IQCF1: variants seen among roughly 807,000 people sequenced by gnomAD.
The protein encoded by IQCF1 is IQ motif containing F1.
A neutral mutation model predicts 12.5 loss-of-function variants in IQCF1; 9 were observed. The ratio of observed to expected loss-of-function variants is 0.72; its 90% CI spans 0.43 to 1.26. IQCF1 has a LOEUF of 1.26. IQCF1 is among the 50% of genes most tolerant of loss of function. The pLI is 0.00. For synonymous variants in IQCF1, 67 were observed against 96.2 expected, an observed-to-expected ratio of 0.70 and a Z score of 1.78; for missense variants, 252 against 257.4, an observed-to-expected ratio of 0.98 and a Z score of 0.14.
intron 2 of IQCF1, among the ~76,000 whole-genome samples, chr3:51,898,977 A>G (rs1699045397): frequency 6.6e-6 from 1 of 152,280 alleles, no homozygotes; most frequent in Non-Finnish European, 1.5e-5. Context: ...GGAGCCGTCT[A>G]TACCAATTCT....
At position 51,900,219 on chromosome 3, in the gene IQCF1, C is replaced by T. The variant is rs1361570020; in HGVS notation, c.108+2766G>A. Among the ~76,000 whole-genome samples the T allele has an allele frequency of 6.6e-6, 1 of 152,168 alleles. No individual in the cohort carries two copies. Among genetic ancestry groups the T allele is most frequent in the Non-Finnish European group, 1.5e-5 (1 of 68,032 alleles). The stretch of plus-strand genomic sequence containing the variant: ...GACTCTACCCTGTGCTGCTAACCAC[C>T]GAGACTGCTGTTGTACAGCGGAAAG... On this transcript the variant is annotated intron_variant, in intron 2 of 3. Coordinates refer to ENST00000310914, the MANE Select transcript of IQCF1 (RefSeq NM_152397.3). The surrounding 1 kb of genome is among the most constrained non-coding windows in gnomAD (Gnocchi z 4.2).
intron 2 of IQCF1, among the ~76,000 whole-genome samples, chr3:51,899,198 A>G (rs536116660): frequency 2.6e-4 from 39 of 152,222 alleles, no homozygotes; most frequent in African/African-American, 9.2e-4. Flanking sequence ...TCGAGGAAAA[A>G]AAAGGGGGTG....
In IQCF1 at chr3:51,895,110, G is replaced by A. The variant is rs953574768; in HGVS notation, c.398C>T (p.Ser133Phe). ...RKEWAAVTLQSQARMWRIRRR... is the reference protein window; with the variant it reads ...RKEWAAVTLQFQARMWRIRRR... ...GCGGATGCGCCACATGCGGGCCTGG[G>A]ACTGCAGTGTGACTGCTGCCCACTC... The change falls in exon 4 of 4, where the codon TCC becomes TTC. Residue 133 changes from serine (S) to phenylalanine (F), a missense_variant. Physicochemically the swap from Ser to Phe is radical, Grantham distance 155 (BLOSUM62 -2). Transcript: ENST00000310914. The surrounding 1 kb of genome is among the most constrained non-coding windows in gnomAD (Gnocchi z 4.8). 16 of 1,614,136 alleles carry A rather than the reference G, an allele frequency of 9.9e-6. No homozygotes were observed. The African/African-American group carries it at 1.9e-4, about 19-fold the overall frequency.
At position 51,895,372 on chromosome 3, in the gene IQCF1, T is replaced by C. The variant is rs1474610414; in HGVS notation, c.172-36A>G. ...AAAAAGAGGGACCTTCAGAGAATGC[T>C]CCCCACTGGCTTCAGCTCTGGGGTG... On this transcript the variant is annotated intron_variant, in intron 3 of 3. Transcript: ENST00000310914. The surrounding 1 kb of genome is among the most constrained non-coding windows in gnomAD (Gnocchi z 4.8). 1.9e-6 allele frequency: 3 copies of C among 1,559,958 alleles called. No homozygotes were observed. The highest frequency in any genetic ancestry group is 2.2e-5 in the East Asian group (1 of 44,534).
At position 51,894,982 on chromosome 3, in the gene IQCF1, T is replaced by C; in HGVS notation, c.526A>G (p.Thr176Ala). 2 of 1,614,252 alleles carry C rather than the reference T, an allele frequency of 1.2e-6. No individual in the cohort carries two copies. Among genetic ancestry groups the C allele is most frequent in the Non-Finnish European group, 1.7e-6 (2 of 1,180,044 alleles). Residue 176 changes from threonine to alanine, a missense_variant, in exon 4 of 4, where the codon ACA becomes GCA. Thr to Ala is a moderately conservative substitution (Grantham distance 58, BLOSUM62 0). Coordinates refer to ENST00000310914, the MANE Select transcript of IQCF1 (RefSeq NM_152397.3). ...AGCTGGAGATGCAGCTGGTTGGCTG[T>C]GACTCTGTACTGGCCCTTGATGAAC... Reference protein sequence around the residue: ...RGFIKGQYRVTANQLHLQLEI... With the variant: ...RGFIKGQYRVAANQLHLQLEI...
At chr3:51,901,333 C>T (rs532535570) in intron 2 of IQCF1, among the ~76,000 whole-genome samples, 2 of 152,322 alleles carry the variant, frequency 1.3e-5, no homozygotes, top group East Asian at 1.9e-4. Context: ...GGTCGGCCCC[C>T]GAGGGTCATC....
At chr3:51,898,827 G>C (rs1349848038) in intron 2 of IQCF1, among the ~76,000 whole-genome samples, 1 of 152,148 alleles carries the variant, frequency 6.6e-6, no homozygotes, top group East Asian at 1.9e-4. Context: ...GGTTCCTCCC[G>C]GGTGATTGAG....
chr3:51,895,077 T>C lies in IQCF1; in HGVS notation c.431A>G (p.Tyr144Cys). 1 of 1,614,204 alleles carries C rather than the reference T, an allele frequency of 6.2e-7. No individual in the cohort carries two copies. The highest frequency in any genetic ancestry group is 8.5e-7 in the Non-Finnish European group (1 of 1,180,036). ...QARMWRIRRR[Y>C]CQVLNAVRII... ...GCGAACAGCATTGAGCACCTGGCAA[T>C]AGCGTCTGCGGATGCGCCACATGCG... The change falls in exon 4 of 4, where the codon TAT becomes TGT. Residue 144 changes from tyrosine to cysteine, a missense_variant. By Grantham distance (194) the Tyr-to-Cys change is radical. Transcript: ENST00000310914. The surrounding 1 kb of genome is among the most constrained non-coding windows in gnomAD (Gnocchi z 4.8).
At position 51,896,882 on chromosome 3, in the gene IQCF1, C is replaced by A. The variant is rs777197675; in HGVS notation, c.121G>T (p.Val41Phe). 1.9e-6 allele frequency: 3 copies of A among 1,613,274 alleles called. No homozygotes were observed. Among genetic ancestry groups the A allele is most frequent in the South Asian group, 2.2e-5 (2 of 91,066 alleles). ...AESKAEAKTP[V>F]LVETQTVDNA... The stretch of plus-strand genomic sequence containing the variant: ...TCCACTGTCTGTGTCTCAACCAGAA[C>A]TGGAGTTTTAGCCTGAAAAGGAAAT... The change falls in exon 3 of 4, where the codon GTT becomes TTT. Residue 41 changes from valine (V) to phenylalanine (F), a missense_variant. Physicochemically the swap from Val to Phe is conservative, Grantham distance 50. Transcript: ENST00000310914.
intron 1 of IQCF1, 51 bp from the exon 2 acceptor site, chr3:51,903,140 C>G (rs1354826538): frequency 6.3e-7 from 1 of 1,598,444 alleles, no homozygotes. Context: ...GTCCCTCCCT[C>G]TCCATTCAAT....
At chr3:51,901,756 T>C (rs535496612) in intron 2 of IQCF1, among the ~76,000 whole-genome samples, 1 of 152,330 alleles carries the variant, frequency 6.6e-6, no homozygotes, top group South Asian at 2.1e-4. Context: ...GAGTCAATAT[T>C]TTGTTGAGAG....
At chr3:51,899,144 C>T (rs1180552220) in intron 2 of IQCF1, among the ~76,000 whole-genome samples, 1 of 151,260 alleles carries the variant, frequency 6.6e-6, no homozygotes, top group Non-Finnish European at 1.5e-5. Context: ...GTCTAGTCCA[C>T]AGGCATGAAG....
rs1213603820 is a variant in IQCF1, at chr3:51,895,801, A to T, written c.172-465T>A. 1.3e-5 allele frequency among the ~76,000 whole-genome samples: 2 copies of T among 152,108 alleles called. No homozygotes were observed. Among genetic ancestry groups the T allele is most frequent in the African/African-American group, 2.4e-5 (1 of 41,398 alleles). ...CTGTTCTCTCCCTCTGTCATGTCTG[A>T]AGACTAAACCCTGATTTTTTCTATG... is the stretch of plus-strand genomic sequence containing the variant. On this transcript the variant is annotated intron_variant, in intron 3 of 3. Transcript: ENST00000310914. The surrounding 1 kb of genome is among the most constrained non-coding windows in gnomAD (Gnocchi z 4.8).
rs999239702 is a variant in IQCF1, at chr3:51,900,631, G to T, written c.108+2354C>A. 6.6e-6 allele frequency among the ~76,000 whole-genome samples: 1 copy of T among 152,156 alleles called. No individual in the cohort carries two copies. The highest frequency in any genetic ancestry group is 6.5e-5 in the Admixed American group (1 of 15,286). On this transcript the variant is annotated intron_variant, in intron 2 of 3. Transcript: ENST00000310914. This position sits in a 1 kb window ranked among gnomAD's most constrained non-coding sequence, Gnocchi z 4.2. Reference sequence around the variant, plus strand: ...GTGTCAACCAGGAGTCTTGCCCCGCGATGTAGAGCTTTTATACCATAGTTG... The same window carrying T: ...GTGTCAACCAGGAGTCTTGCCCCGCTATGTAGAGCTTTTATACCATAGTTG...
chr3:51,903,171 C>G (rs1699100015), intron 1 of IQCF1, 82 bp from the exon 2 acceptor site: 1 of 1,591,398 alleles, frequency 6.3e-7, no homozygotes, highest in Non-Finnish European at 8.6e-7. Context: ...TCCCCAGCTT[C>G]CAGGGCTTCT....
chr3:51,901,311 T>C (rs1320393075), intron 2 of IQCF1, among the ~76,000 whole-genome samples: 1 of 152,216 alleles, frequency 6.6e-6, no homozygotes, highest in Non-Finnish European at 1.5e-5. Context: ...TTCTGAAGTC[T>C]GGCACCCTGT....
intron 2 of IQCF1, among the ~76,000 whole-genome samples, chr3:51,898,770 G>A (rs1699042807): frequency 6.6e-6 from 1 of 152,154 alleles, no homozygotes; most frequent in Non-Finnish European, 1.5e-5. Flanking sequence ...CCATACAAAG[G>A]TCCAACCAGA....
chr3:51,899,623 T>A lies in IQCF1; in HGVS notation c.109-2729A>T, dbSNP rs1217580523. Among the ~76,000 whole-genome samples the A allele has an allele frequency of 2.0e-5, 3 of 152,216 alleles. No individual in the cohort carries two copies. The South Asian group carries it at 6.2e-4, about 31-fold the overall frequency. On this transcript the variant is annotated intron_variant, in intron 2 of 3. Transcript: ENST00000310914. ...CTGTGTGTAAACATATTGGCTAAAG[T>A]TAAAGGGGTATCATCCAGTTTTTCT...
In IQCF1 at chr3:51,900,046, G is replaced by A. The variant is rs779081702; in HGVS notation, c.108+2939C>T. Reference sequence around the variant, plus strand: ...TCAGTTTCTTAGAAATCATATACTCGGTTTATCTTCCACTTTCCTTTCCCT... The same window carrying A: ...TCAGTTTCTTAGAAATCATATACTCAGTTTATCTTCCACTTTCCTTTCCCT... On this transcript the variant is annotated intron_variant, in intron 2 of 3. Transcript: ENST00000310914. This position sits in a 1 kb window ranked among gnomAD's most constrained non-coding sequence, Gnocchi z 4.2. 6.6e-6 allele frequency among the ~76,000 whole-genome samples: 1 copy of A among 151,934 alleles called. No homozygotes were observed. Among genetic ancestry groups the A allele is most frequent in the African/African-American group, 2.4e-5 (1 of 41,328 alleles).
Sources: allele counts gnomAD v4.1 joint callset (sites outside exome capture counted in the v4.1 genomes callset), GRCh38; gene constraint gnomAD v4.1.1; non-coding constraint Gnocchi (gnomAD v3.1); transcripts MANE v1.5; gene names NCBI Gene and HGNC (gene_info 2026-07-23, HGNC 2026-07-21).